ADAMTS14: variants seen among roughly 807,000 people sequenced by gnomAD.
The protein encoded by ADAMTS14 is ADAM metallopeptidase with thrombospondin type 1 motif 14.
ADAMTS14 carries 100 observed loss-of-function variants against 128.6 expected under a neutral mutation model. That is an observed-to-expected ratio of 0.78 (90% CI 0.66 to 0.92). The LOEUF (loss-of-function observed/expected upper bound fraction) is 0.92. ADAMTS14 is among the 40% of genes least tolerant of loss of function. ADAMTS14 has a pLI of 0.00. For synonymous variants in ADAMTS14, 665 were observed against 653.8 expected (o/e 1.02, Z -0.26); for missense variants, 1,562 against 1,658.6 (o/e 0.94, Z 1.01).
At chr10:70,743,396 A>T in intron 12 of ADAMTS14, 152 bp from the exon 13 acceptor site, 1 of 840,216 alleles carries the variant, frequency 1.2e-6, no homozygotes, top group South Asian at 2.7e-5. Flanking sequence ...TAAGTGACAC[A>T]GCAGGGATTT....
chr10:70,755,290 T>A (rs1182528633), intron 19 of ADAMTS14, among the ~76,000 whole-genome samples: 22 of 138,898 alleles, frequency 1.6e-4, no homozygotes, highest in African/African-American at 6.0e-4. Context: ...CCAGCCTGAG[T>A]GACAGAGCAA....
rs371319523 is a variant in ADAMTS14 at position 70,733,668 on chromosome 10, C to T, written c.1209-217C>T. 2.6e-4 allele frequency among the ~76,000 whole-genome samples: 39 copies of T among 152,242 alleles called. No homozygotes were observed. In the East Asian group the frequency reaches 6.4e-3, roughly 25 times the overall value. Reference sequence around the variant, plus strand: ...GTCTGGGAGTGGTGAACAGCAGGAGCGAAGGCTTGGAGGGCAGGATGAGCC... The same window carrying T: ...GTCTGGGAGTGGTGAACAGCAGGAGTGAAGGCTTGGAGGGCAGGATGAGCC... On this transcript the variant is annotated intron_variant, in intron 7 of 21. Coordinates refer to ENST00000373207, the MANE Select transcript of ADAMTS14 (RefSeq NM_080722.4).
At chr10:70,719,046 G>C (rs1158119636) in intron 4 of ADAMTS14, among the ~76,000 whole-genome samples, 2 of 151,854 alleles carry the variant, frequency 1.3e-5, no homozygotes, top group South Asian at 2.1e-4. Flanking sequence ...AGATATTTTT[G>C]GTTATCACAG....
At chr10:70,754,831 G>A (rs973742074) in intron 19 of ADAMTS14, among the ~76,000 whole-genome samples, 4 of 152,232 alleles carry the variant, frequency 2.6e-5, no homozygotes, top group Non-Finnish European at 2.9e-5. Context: ...GACAGTCAGG[G>A]TAGCGAAGGG....
chr10:70,761,919 G>C lies in ADAMTS14; in HGVS notation c.*1066G>C, dbSNP rs1172200520. The C allele has an allele frequency of 1.3e-5, 2 of 152,630 alleles. No homozygotes were observed. Among genetic ancestry groups the C allele is most frequent in the Admixed American group, 6.5e-5 (1 of 15,286 alleles). 9.5% of individuals were successfully genotyped at this position (152,630 alleles called of 1,614,324 possible). A position where few individuals can be genotyped will look rare whatever the true frequency, so the allele number is the denominator to read the frequency against. On this transcript the variant is annotated 3_prime_UTR_variant, in exon 22 of 22. Coordinates refer to ENST00000373207, the MANE Select transcript of ADAMTS14 (RefSeq NM_080722.4). ...CCACTCATAGCCTGGCCCTGGAGAT[G>C]ACAAGGGCCACCCAGGCCAAGTGCC...
Position 70,741,234 on chromosome 10 carries a change from G to C in ADAMTS14, c.1924+72G>C, listed in dbSNP as rs371925809. 1,479 of 1,534,968 alleles carry C rather than the reference G, an allele frequency of 9.6e-4. 19 individuals carry two copies. In the South Asian group the frequency reaches 0.017, roughly 17 times the overall value. On this transcript the variant is annotated intron_variant, in intron 12 of 21. Coordinates refer to ENST00000373207, the MANE Select transcript of ADAMTS14 (RefSeq NM_080722.4). The stretch of plus-strand genomic sequence containing the variant: ...CGGGGGCTGTGTGTGCCCAGGCAGG[G>C]CCTCCTACCCCTACATACACCAGTG...
At chr10:70,747,085 A>G (rs1317705424) in intron 15 of ADAMTS14, among the ~76,000 whole-genome samples, 1 of 152,236 alleles carries the variant, frequency 6.6e-6, no homozygotes, top group Admixed American at 6.5e-5. Flanking sequence ...TTAGATTATC[A>G]TCAAAATAGC....
intron 16 of ADAMTS14, 58 bp from the exon 17 acceptor site, chr10:70,751,420 G>C: frequency 6.5e-7 from 1 of 1,548,772 alleles, no homozygotes; most frequent in Non-Finnish European, 8.8e-7. Context: ...TCCCCTCCCA[G>C]TGCATGCCGC....
intron 10 of ADAMTS14, among the ~76,000 whole-genome samples, chr10:70,738,410 T>C (rs1215361963): frequency 4.6e-5 from 7 of 152,196 alleles, no homozygotes; most frequent in African/African-American, 1.7e-4. Context: ...CCTCCCTGCA[T>C]GGCTGGTCTG....
intron 17 of ADAMTS14, among the ~76,000 whole-genome samples, 189 bp downstream of exon 17, chr10:70,751,835 G>A (rs1448207163): frequency 6.6e-6 from 1 of 152,230 alleles, no homozygotes; most frequent in Admixed American, 6.5e-5. Context: ...GGGTGCTAGA[G>A]CCATATCCGG....
At chr10:70,724,006 C>T (rs1360849179) in intron 4 of ADAMTS14, among the ~76,000 whole-genome samples, 15 of 152,330 alleles carry the variant, frequency 9.8e-5, no homozygotes, top group Middle Eastern at 3.4e-3. Context: ...GCCTATGAGA[C>T]GGAAATAATT....
At chr10:70,702,139 G>A (rs997731003) in intron 2 of ADAMTS14, among the ~76,000 whole-genome samples, 173 bp from the exon 3 acceptor site, 1 of 152,148 alleles carries the variant, frequency 6.6e-6, no homozygotes, top group African/African-American at 2.4e-5. Flanking sequence ...CCACTCCCCT[G>A]CCAGGGCCTC....
chr10:70,718,113 C>T (rs1408314086), intron 4 of ADAMTS14, among the ~76,000 whole-genome samples: 2 of 152,224 alleles, frequency 1.3e-5, no homozygotes, highest in African/African-American at 4.8e-5. Context: ...ACACATCCAT[C>T]ATAAAGCCTG....
chr10:70,758,868 G>A (rs892407420), intron 21 of ADAMTS14, among the ~76,000 whole-genome samples: 16 of 152,054 alleles, frequency 1.1e-4, no homozygotes, highest in South Asian at 2.1e-4. Flanking sequence ...ATCCACCCAC[G>A]GATAGATATT....
At chr10:70,700,715 G>A (rs1248014987) in intron 2 of ADAMTS14, among the ~76,000 whole-genome samples, 2 of 152,150 alleles carry the variant, frequency 1.3e-5, no homozygotes, top group African/African-American at 4.8e-5. Flanking sequence ...CATCCTTCAG[G>A]ACCCACAGAT....
chr10:70,706,431 G>A (rs1041761408), intron 3 of ADAMTS14, among the ~76,000 whole-genome samples: 21 of 152,354 alleles, frequency 1.4e-4, no homozygotes, highest in African/African-American at 4.3e-4. Flanking sequence ...CAGCCCATGC[G>A]TTGGGAGTGA....
Position 70,753,972 on chromosome 10 carries a change from T to TGCCCA in ADAMTS14, c.2909_2913dup (p.Trp972ProfsTer61). The TGCCCA allele has an allele frequency of 6.3e-7, 1 of 1,579,214 alleles. No homozygotes were observed. Among genetic ancestry groups the TGCCCA allele is most frequent in the Non-Finnish European group, 8.6e-7 (1 of 1,164,262 alleles). On this transcript the variant is annotated frameshift_variant, in exon 19 of 22. Coordinates refer to ENST00000373207, the MANE Select transcript of ADAMTS14 (RefSeq NM_080722.4). LOFTEE classifies it high-confidence loss of function. ...CCGACGGCCCTGTCTCCGAGTGCCC[T>TGCCCA]GCCCAGCCCAGTGGAGGCTGGGAGC...
chr10:70,749,197 G>A (rs937677665), intron 15 of ADAMTS14, among the ~76,000 whole-genome samples: 17 of 152,180 alleles, frequency 1.1e-4, no homozygotes, highest in African/African-American at 2.4e-4. Flanking sequence ...TGCCCACTGC[G>A]CATCACTACT....
intron 4 of ADAMTS14, among the ~76,000 whole-genome samples, chr10:70,710,070 C>T (rs1013504064): frequency 1.3e-5 from 2 of 152,164 alleles, no homozygotes; most frequent in Non-Finnish European, 2.9e-5. Flanking sequence ...GGATGGGGGC[C>T]GGACCCTCAG....
Sources: allele counts gnomAD v4.1 joint callset (sites outside exome capture counted in the v4.1 genomes callset), GRCh38; gene constraint gnomAD v4.1.1; transcripts MANE v1.5; gene names NCBI Gene and HGNC (gene_info 2026-07-23, HGNC 2026-07-21).